The following AAMDC variants were observed in gnomAD, a reference collection of about 807,000 sequenced individuals.
The protein encoded by AAMDC is adipogenesis associated Mth938 domain containing, also known as mth938 domain-containing protein.
In AAMDC, 16 loss-of-function variants were observed where a neutral mutation model predicts 15.5. That is an observed-to-expected ratio of 1.03 (90% CI 0.70 to 1.57). The LOEUF is 1.57. Ranked by LOEUF, AAMDC falls within the 40% of genes most tolerant of loss-of-function variation. The pLI is 0.00. For synonymous variants in AAMDC, 51 were observed against 51.6 expected, an observed-to-expected ratio of 0.99 and a Z score of 0.05; for missense variants, 141 against 144.9, an observed-to-expected ratio of 0.97 and a Z score of 0.14.
At chr11:77,878,990 G>T in intron 5 of AAMDC, 1 of 1,614,080 alleles carries the variant, frequency 6.2e-7, no homozygotes, top group Non-Finnish European at 8.5e-7. Flanking sequence ...ACTTTTACAG[G>T]CTTGCTGAAG....
intron 5 of AAMDC, chr11:77,884,788 T>C: frequency 2.5e-6 from 1 of 408,022 alleles, no homozygotes. Context: ...AGGGTCTTAC[T>C]CTGCCACCCA....
chr11:77,825,335 G>C (rs1350008046), intron 1 of AAMDC, among the ~76,000 whole-genome samples: 1 of 151,882 alleles, frequency 6.6e-6, no homozygotes, highest in East Asian at 1.9e-4. Flanking sequence ...GAGGCAAACT[G>C]AATTCCATTT....
chr11:77,828,556 A>G (rs1179715464), intron 1 of AAMDC, among the ~76,000 whole-genome samples: 3 of 151,616 alleles, frequency 2.0e-5, no homozygotes, highest in Admixed American at 2.0e-4. Context: ...CTGTAGTCCC[A>G]GCTACTCGGG....
chr11:77,890,214 T>C (rs1952204357), intron 5 of AAMDC, among the ~76,000 whole-genome samples: 1 of 152,160 alleles, frequency 6.6e-6, no homozygotes. Flanking sequence ...CAGAACTAGT[T>C]CTCTGCAGGT....
At chr11:77,832,993 G>C (rs371437422) in intron 1 of AAMDC, among the ~76,000 whole-genome samples, 1 of 53,550 alleles carries the variant, frequency 1.9e-5, no homozygotes, top group African/African-American at 9.7e-5. Context: ...GTGTGTGTGT[G>C]TGTGTATATA....
chr11:77,901,555 T>C (rs114600355), downstream of AAMDC: 9 of 1,593,892 alleles, frequency 5.6e-6, no homozygotes, highest in Non-Finnish European at 7.7e-6. Context: ...CCATAATCTA[T>C]AAAGGAAAGA....
intron 2 of AAMDC, among the ~76,000 whole-genome samples, chr11:77,859,588 T>C (rs1950788611): frequency 6.6e-6 from 1 of 152,188 alleles, no homozygotes; most frequent in African/African-American, 2.4e-5. Flanking sequence ...TGAGCACTAG[T>C]TCCTGGAGTG....
At chr11:77,845,845 A>G (rs1037684058) in intron 2 of AAMDC, among the ~76,000 whole-genome samples, 1 of 152,106 alleles carries the variant, frequency 6.6e-6, no homozygotes, top group Admixed American at 6.6e-5. Flanking sequence ...TTTGGCTCCT[A>G]TTACATATTT....
At chr11:77,852,955 C>A (rs993448710) in intron 2 of AAMDC, among the ~76,000 whole-genome samples, 2 of 151,988 alleles carry the variant, frequency 1.3e-5, no homozygotes, top group African/African-American at 2.4e-5. Flanking sequence ...GATGGGTACT[C>A]GATTGCTTTC....
At chr11:77,844,157 T>C (rs561294271) in intron 2 of AAMDC, among the ~76,000 whole-genome samples, 36 of 152,272 alleles carry the variant, frequency 2.4e-4, no homozygotes, top group Middle Eastern at 6.8e-3. Flanking sequence ...TATCCTTACA[T>C]AGTGGAAAGA....
chr11:77,824,653 T>C (rs972097594), intron 1 of AAMDC, among the ~76,000 whole-genome samples: 1 of 152,140 alleles, frequency 6.6e-6, no homozygotes, highest in Admixed American at 6.5e-5. Context: ...TCCATCAATA[T>C]GAAGGTCAAA....
intron 1 of AAMDC, among the ~76,000 whole-genome samples, chr11:77,833,324 A>G (rs2136086562): frequency 6.6e-6 from 1 of 152,182 alleles, no homozygotes; most frequent in African/African-American, 2.4e-5. Context: ...TTTTCCTACA[A>G]CTAGATGGTT....
At chr11:77,838,357 A>T (rs1180322668) in intron 1 of AAMDC, among the ~76,000 whole-genome samples, 2 of 152,182 alleles carry the variant, frequency 1.3e-5, no homozygotes, top group African/African-American at 4.8e-5. Context: ...TATATATGAG[A>T]TTATATCCTT....
intron 1 of AAMDC, among the ~76,000 whole-genome samples, chr11:77,841,669 C>G (rs1048538123): frequency 2.0e-5 from 3 of 152,128 alleles, no homozygotes; most frequent in African/African-American, 7.2e-5. Context: ...GTCTATCTTC[C>G]AAATCTTTGA....
chr11:77,823,894 G>A (rs1295138372), intron 1 of AAMDC, among the ~76,000 whole-genome samples: 3 of 151,026 alleles, frequency 2.0e-5, no homozygotes, highest in African/African-American at 7.3e-5. Flanking sequence ...CCACATTCCA[G>A]TGAGGTTGTG....
chr11:77,896,129 G>T (rs369204427), intron 5 of AAMDC, among the ~76,000 whole-genome samples: 1 of 152,012 alleles, frequency 6.6e-6, no homozygotes, highest in African/African-American at 2.4e-5. Flanking sequence ...CAACAACCTC[G>T]GTGAGAGTTA....
intron 1 of AAMDC, among the ~76,000 whole-genome samples, chr11:77,824,841 T>C (rs1253404923): frequency 6.6e-6 from 1 of 152,228 alleles, no homozygotes; most frequent in East Asian, 1.9e-4. Flanking sequence ...AATGCAATTA[T>C]GCTTCAATTT....
At chr11:77,841,018 G>T (rs1243410391) in intron 1 of AAMDC, 2 of 557,964 alleles carry the variant, frequency 3.6e-6, no homozygotes, top group Admixed American at 3.0e-5. Flanking sequence ...TTTTCTCACA[G>T]TTCTGGAGGC....
intron 1 of AAMDC, among the ~76,000 whole-genome samples, chr11:77,825,284 T>C (rs1949118117): frequency 6.7e-6 from 1 of 149,034 alleles, no homozygotes; most frequent in Non-Finnish European, 1.5e-5. Context: ...GCCTGGCTGC[T>C]TTTTTTTTAA....
Sources: gnomAD v4.1 joint callset for allele counts (sites outside exome capture counted in the v4.1 genomes callset) on GRCh38, gnomAD v4.1.1 for gene constraint, MANE v1.5 for transcripts, NCBI Gene and HGNC (gene_info 2026-07-23, HGNC 2026-07-21) for gene names.